TMEM170A: variants seen among roughly 807,000 people sequenced by gnomAD.
TMEM170A encodes the protein transmembrane protein 170A, also known as transmembrane protein 170.
TMEM170A carries 18 observed loss-of-function variants against 12.8 expected under a neutral mutation model. That is an observed-to-expected ratio of 1.41 (90% CI 0.97 to 2.09). The LOEUF (loss-of-function observed/expected upper bound fraction) is 2.09. Ranked by LOEUF, TMEM170A falls within the 30% of genes most tolerant of loss-of-function variation. The probability of loss-of-function intolerance (pLI) is 0.00; values close to 1 mark genes in which losing one functional copy is unlikely to be tolerated. For missense variants in TMEM170A, 220 were observed against 179.9 expected (o/e 1.22, Z -1.28); for synonymous variants, 107 against 76.2 (o/e 1.40, Z -2.11).
Position 75,464,451 on chromosome 16 carries a change from C to A in TMEM170A, c.133+17G>T, listed in dbSNP as rs1188781339. On this transcript the variant is annotated intron_variant, in intron 1 of 2. Transcript: ENST00000561878. ...GACGGCGGGGCGCGCAGTGCGCAGG[C>A]GCGGGGCGGGCCGTACCTGGGAAGG... 1 of 1,454,152 alleles carries A rather than the reference C, an allele frequency of 6.9e-7. No individual in the cohort carries two copies. Among genetic ancestry groups the A allele is most frequent in the Non-Finnish European group, 9.0e-7 (1 of 1,105,196 alleles). 90.1% of individuals were successfully genotyped at this position (1,454,152 alleles called of 1,614,324 possible).
At position 75,444,909 on chromosome 16, in the gene TMEM170A, A is replaced by G. The variant is rs1449125068; in HGVS notation, c.*2649T>C. On this transcript the variant is annotated 3_prime_UTR_variant, in exon 3 of 3. Coordinates refer to ENST00000561878, the MANE Select transcript of TMEM170A (RefSeq NM_145254.3). The stretch of plus-strand genomic sequence containing the variant: ...TCTTAGCTCCAGTGAAAAATATCTA[A>G]CATTTTAATCATGTATCAGTACTTC... 3 of 152,218 alleles carry G rather than the reference A, an allele frequency of 2.0e-5. No homozygotes were observed. In the East Asian group the frequency reaches 5.8e-4, roughly 29 times the overall value. The allele number at this position is 152,218 out of a possible 1,614,324, so 9.4% of individuals were successfully genotyped here.
chr16:75,451,874 T>G, intron 1 of TMEM170A, 35 bp from the exon 2 acceptor site: 1 of 1,565,494 alleles, frequency 6.4e-7, no homozygotes, highest in Non-Finnish European at 8.7e-7. Context: ...TGTGAATCAC[T>G]GCCCTTCCCA....
At chr16:75,454,620 A>G (rs569663490) in intron 1 of TMEM170A, among the ~76,000 whole-genome samples, 2 of 152,030 alleles carry the variant, frequency 1.3e-5, no homozygotes, top group Non-Finnish European at 2.9e-5. Flanking sequence ...GGGAGACAGA[A>G]TGACACTCCG....
chr16:75,461,212 C>G lies in TMEM170A; in HGVS notation c.133+3256G>C, dbSNP rs544688839. ...GGAATTACAGGCATGCACCACCACG[C>G]CCCGCAAATTTTTGTATTTTTAGTA... On this transcript the variant is annotated intron_variant, in intron 1 of 2. Transcript: ENST00000561878. Among the ~76,000 whole-genome samples, 10 of 152,162 alleles carry G rather than the reference C, an allele frequency of 6.6e-5. No individual in the cohort carries two copies. In the South Asian group the frequency reaches 1.9e-3, roughly 28 times the overall value.
At chr16:75,450,202 C>T (rs1191519839) in intron 2 of TMEM170A, among the ~76,000 whole-genome samples, 1 of 148,302 alleles carries the variant, frequency 6.7e-6, no homozygotes, top group Non-Finnish European at 1.5e-5. Flanking sequence ...AAAAAAACAC[C>T]TCAAGTCAAA....
Position 75,444,809 on chromosome 16 carries a change from A to G in TMEM170A, c.*2749T>C, listed in dbSNP as rs1442902961. 6.6e-6 allele frequency: 1 copy of G among 152,178 alleles called. No individual in the cohort carries two copies. The highest frequency in any genetic ancestry group is 2.4e-5 in the African/African-American group (1 of 41,448). The allele number at this position is 152,178 out of a possible 1,614,324, so 9.4% of individuals were successfully genotyped here. A position where few individuals can be genotyped will look rare whatever the true frequency, so the allele number is the denominator to read the frequency against. ...ATACCTTTTATACGTTTAGTTTTTT[A>G]AAAGAGTAGATAACCAAAATATATC... On this transcript the variant is annotated 3_prime_UTR_variant, in exon 3 of 3. Coordinates refer to ENST00000561878, the MANE Select transcript of TMEM170A (RefSeq NM_145254.3).
chr16:75,458,366 G>A (rs1269242434), intron 1 of TMEM170A: 3 of 152,244 alleles, frequency 2.0e-5, no homozygotes, highest in African/African-American at 4.8e-5. Context: ...CATGGGAAAA[G>A]GGACATTGTG....
At chr16:75,447,715 C>T in intron 2 of TMEM170A, 27 bp from the exon 3 acceptor site, 2 of 1,551,358 alleles carry the variant, frequency 1.3e-6, no homozygotes, top group African/African-American at 1.4e-5. Flanking sequence ...GAATGTTAAA[C>T]AAAAACAAAA....
rs796692128 is a variant in TMEM170A, at chr16:75,446,157, A to G, written c.*1401T>C. ...ACCACTGCACTCCAGCCTGGGCAAC[A>G]CAGTGAGGCTCCGTCTCATTTAAAA... On this transcript the variant is annotated 3_prime_UTR_variant, in exon 3 of 3. Transcript: ENST00000561878. The G allele has an allele frequency of 9.4e-5, 14 of 149,608 alleles. No homozygotes were observed. Among genetic ancestry groups the G allele is most frequent in the African/African-American group, 3.2e-4 (13 of 40,414 alleles). 9.3% of individuals were successfully genotyped at this position (149,608 alleles called of 1,614,324 possible).
chr16:75,449,639 A>C (rs549973989), intron 2 of TMEM170A, among the ~76,000 whole-genome samples: 1 of 152,302 alleles, frequency 6.6e-6, no homozygotes, highest in South Asian at 2.1e-4. Flanking sequence ...ATGTGATGTG[A>C]AGGTATATTA....
intron 1 of TMEM170A, 139 bp downstream of exon 1, chr16:75,464,329 G>A (rs2079959008): frequency 5.7e-6 from 8 of 1,415,640 alleles, no homozygotes; most frequent in African/African-American, 1.5e-5. Flanking sequence ...CGGGCGAGCA[G>A]CACGGCCCCC....
chr16:75,447,840 C>A (rs2079614937), intron 2 of TMEM170A, 152 bp from the exon 3 acceptor site: 1 of 970,404 alleles, frequency 1.0e-6, no homozygotes, highest in African/African-American at 1.7e-5. Flanking sequence ...TTTCCCTATT[C>A]TTTCTGTGGA....
At chr16:75,457,683 C>T (rs912093876) in intron 1 of TMEM170A, among the ~76,000 whole-genome samples, 18 of 152,162 alleles carry the variant, frequency 1.2e-4, no homozygotes, top group African/African-American at 4.3e-4. Flanking sequence ...CCCCAGGAGG[C>T]CTGCTAAGTC....
At chr16:75,451,619 T>C (rs1158547410) in intron 2 of TMEM170A, 50 bp downstream of exon 2, 2 of 1,584,324 alleles carry the variant, frequency 1.3e-6, no homozygotes, top group Non-Finnish European at 8.7e-7. Context: ...GTCCTGAAAT[T>C]GACTAGTCAT....
intron 2 of TMEM170A, chr16:75,451,396 A>G: frequency 1.9e-6 from 1 of 534,266 alleles, no homozygotes; most frequent in Non-Finnish European, 3.3e-6. Context: ...AAATACAAAA[A>G]AAATTAGCGG....
In TMEM170A at chr16:75,444,822, A is replaced by G. The variant is rs1050826858; in HGVS notation, c.*2736T>C. 1 of 152,196 alleles carries G rather than the reference A, an allele frequency of 6.6e-6. No homozygotes were observed. The highest frequency in any genetic ancestry group is 2.4e-5 in the African/African-American group (1 of 41,458). 9.4% of individuals were successfully genotyped at this position (152,196 alleles called of 1,614,324 possible). ...GTTTAGTTTTTTAAAAGAGTAGATA[A>G]CCAAAATATATCAAACAAGAAACAG... On this transcript the variant is annotated 3_prime_UTR_variant, in exon 3 of 3. Transcript: ENST00000561878.
chr16:75,464,257 C>G, intron 1 of TMEM170A: 1 of 1,498,000 alleles, frequency 6.7e-7, no homozygotes, highest in Non-Finnish European at 8.9e-7. Flanking sequence ...GCATCTCACG[C>G]CCAGCGGGAC....
intron 1 of TMEM170A, among the ~76,000 whole-genome samples, chr16:75,456,128 T>C (rs921100814): frequency 6.6e-6 from 1 of 152,132 alleles, no homozygotes; most frequent in Non-Finnish European, 1.5e-5. Flanking sequence ...ACCCTTGACA[T>C]TGTCACAGAT....
At chr16:75,462,234 T>C (rs1597457506) in intron 1 of TMEM170A, among the ~76,000 whole-genome samples, 1 of 152,260 alleles carries the variant, frequency 6.6e-6, no homozygotes, top group Non-Finnish European at 1.5e-5. Flanking sequence ...TCTCTTTTTT[T>C]GTTGAGACAA....
Sources: allele counts gnomAD v4.1 joint callset (sites outside exome capture counted in the v4.1 genomes callset), GRCh38; gene constraint gnomAD v4.1.1; transcripts MANE v1.5; gene names NCBI Gene and HGNC (gene_info 2026-07-23, HGNC 2026-07-21).